The following FAM228B variants were observed in gnomAD, a reference collection of about 807,000 sequenced individuals.
FAM228B encodes family with sequence similarity 228 member B, also known as protein FAM228B.
FAM228B carries 38 observed loss-of-function variants against 42.6 expected under a neutral mutation model. The observed-to-expected ratio is 0.89, with a 90% CI of 0.69 to 1.17. FAM228B has a LOEUF of 1.17. Ranked by LOEUF, FAM228B falls within the 50% of genes most tolerant of loss-of-function variation. FAM228B has a pLI of 0.00. For missense variants in FAM228B, 344 were observed against 367.3 expected, an observed-to-expected ratio of 0.94 and a Z score of 0.52; for synonymous variants, 109 against 122.3, an observed-to-expected ratio of 0.89 and a Z score of 0.72.
chr2:24,119,442 T>C, upstream of FAM228B: 4 of 628,104 alleles, frequency 6.4e-6, no homozygotes, highest in South Asian at 2.0e-5. Context: ...CCAGTGGCTA[T>C]GTAAATAACC....
In FAM228B at chr2:24,077,327, C is replaced by T. The variant is rs1664793154; in HGVS notation, c.-290+358C>T. On this transcript the variant is annotated intron_variant, in intron 1 of 10. Coordinates refer to the FAM228B transcript ENST00000613899. This position sits in a 1 kb window ranked among gnomAD's most constrained non-coding sequence, Gnocchi z 5.5. ...CCAGAATCTCCGTCCCTGGAGGGGCCCTCAGGTTGAGCGTCAGCTGATCGG... is the reference window on the plus strand; with the variant it reads ...CCAGAATCTCCGTCCCTGGAGGGGCTCTCAGGTTGAGCGTCAGCTGATCGG... 5.4e-6 allele frequency: 2 copies of T among 368,446 alleles called. No homozygotes were observed. The highest frequency in any genetic ancestry group is 9.9e-6 in the Non-Finnish European group (2 of 201,346). 22.8% of individuals were successfully genotyped at this position (368,446 alleles called of 1,614,324 possible).
chr2:24,138,006 A>C lies in FAM228B; in HGVS notation c.266A>C (p.Gln89Pro). 2.6e-6 allele frequency: 4 copies of C among 1,547,884 alleles called. No individual in the cohort carries two copies. The highest frequency in any genetic ancestry group is 3.5e-6 in the Non-Finnish European group (4 of 1,145,982). ...GTTGACTGTGTGGCAGATCCTCTTC[A>C]GAAGAAAATTATAGAAAAAGTTTGC... The part of the protein sequence containing the change: ...RWVDCVADPL[Q>P]KKIIEKVCSH... Residue 89 changes from glutamine (Q) to proline (P), a missense_variant, in exon 4 of 11, where the codon CAG becomes CCG. Physicochemically the swap from Gln to Pro is moderately conservative, Grantham distance 76. Coordinates refer to ENST00000615575, the MANE Select transcript of FAM228B (RefSeq NM_001145710.2).
At chr2:24,119,869 C>T (rs191623615), upstream of FAM228B, among the ~76,000 whole-genome samples, 2 of 152,264 alleles carry the variant, frequency 1.3e-5, no homozygotes, top group Non-Finnish European at 2.9e-5. Flanking sequence ...CTCTTTTCCA[C>T]CAATTTAGTT....
In FAM228B at chr2:24,124,408, A is replaced by T; in HGVS notation, c.47A>T (p.Lys16Met). ...SDDLVTGTLP[K>M]LKSSKEWLEP... ...GATCTGGTAACTGGCACACTTCCCA[A>T]GCTCAAGAGCTCAAAAGAATGGTTG... is the stretch of plus-strand genomic sequence containing the variant. The change falls in exon 2 of 11, where the codon AAG becomes ATG. Residue 16 changes from lysine to methionine, a missense_variant. Coordinates refer to ENST00000615575, the MANE Select transcript of FAM228B (RefSeq NM_001145710.2). The T allele has an allele frequency of 6.4e-7, 1 of 1,552,064 alleles. No individual in the cohort carries two copies. The highest frequency in any genetic ancestry group is 8.7e-7 in the Non-Finnish European group (1 of 1,147,064).
chr2:24,121,224 T>C (rs779890529), upstream of FAM228B: 6 of 1,614,224 alleles, frequency 3.7e-6, no homozygotes, highest in Non-Finnish European at 4.2e-6. Flanking sequence ...TCCCTTGAAA[T>C]ACAGTCCTTC....
chr2:24,120,316 G>A (rs977970970), upstream of FAM228B, among the ~76,000 whole-genome samples: 4 of 151,990 alleles, frequency 2.6e-5, no homozygotes, highest in Non-Finnish European at 5.9e-5. Flanking sequence ...CAAAACTGAT[G>A]TAATGGAAAG....
intron 7 of FAM228B, among the ~76,000 whole-genome samples, chr2:24,155,904 T>C (rs1667131959): frequency 6.6e-6 from 1 of 152,192 alleles, no homozygotes; most frequent in Admixed American, 6.5e-5. Context: ...GAACAGCTTC[T>C]CTTCAATATA....
At chr2:24,162,419 T>C (rs998113435) in intron 8 of FAM228B, among the ~76,000 whole-genome samples, 2 of 152,224 alleles carry the variant, frequency 1.3e-5, no homozygotes, top group Non-Finnish European at 2.9e-5. Flanking sequence ...TACATAATTA[T>C]GTATCTTGTG....
At chr2:24,138,361 G>A (rs1486805005) in intron 4 of FAM228B, among the ~76,000 whole-genome samples, 1 of 152,078 alleles carries the variant, frequency 6.6e-6, no homozygotes, top group Non-Finnish European at 1.5e-5. Flanking sequence ...TCGAGATGGA[G>A]TTTCACTCTT....
At chr2:24,110,962 G>C (rs1162730428) in intron 3 of FAM228B, among the ~76,000 whole-genome samples, 1 of 152,146 alleles carries the variant, frequency 6.6e-6, no homozygotes, top group Non-Finnish European at 1.5e-5. Context: ...AATTATTGTT[G>C]GAAACTACCA....
At chr2:24,166,052 A>ATATATATAT (rs1468435433) in intron 9 of FAM228B, 618 of 19,368 alleles carry the variant, frequency 0.032, 4 homozygotes, top group African/African-American at 0.048. Context: ...AAAAAAAAAA[A>ATATATATAT]AAATATATAT....
upstream of FAM228B, among the ~76,000 whole-genome samples, chr2:24,121,886 C>T (rs184503558): frequency 1.0e-3 from 157 of 152,262 alleles, 1 homozygote; most frequent in Non-Finnish European, 8.8e-4. Flanking sequence ...TCACAGATGA[C>T]CAGTCTTCCA....
intron 7 of FAM228B, among the ~76,000 whole-genome samples, chr2:24,148,501 TC>T (rs1666947197): frequency 6.6e-6 from 1 of 152,216 alleles, no homozygotes; most frequent in Admixed American, 6.5e-5. Context: ...GATGGCAGTG[TC>T]CTGTCTGTCT....
Position 24,084,390 on chromosome 2 carries a change from A to ACAGGACAGGACAGGGCAGGG in FAM228B, c.-210+3439_-210+3440insACAGGACAGGGCAGGGCAGG. 2.6e-6 allele frequency: 3 copies of ACAGGACAGGACAGGGCAGGG among 1,159,512 alleles called. No homozygotes were observed. The highest frequency in any genetic ancestry group is 3.6e-6 in the Non-Finnish European group (3 of 825,478). 71.8% of individuals were successfully genotyped at this position (1,159,512 alleles called of 1,614,324 possible). A position where few individuals can be genotyped will look rare whatever the true frequency, so the allele number is the denominator to read the frequency against. Reference sequence around the variant, plus strand: ...ACAGGGCAGGGCAGGGCAGGACAGGACAGGGCAGGGCAGGACAGGACAGGG... The same window carrying ACAGGACAGGACAGGGCAGGG: ...ACAGGGCAGGGCAGGGCAGGACAGGACAGGACAGGACAGGGCAGGGCAGGGCAGGGCAGGACAGGACAGGG... On this transcript the variant is annotated intron_variant, in intron 2 of 10. Coordinates refer to the FAM228B transcript ENST00000613899. The surrounding 1 kb of genome is among the most constrained non-coding windows in gnomAD (Gnocchi z 8.4).
chr2:24,159,348 C>T (rs1390852497), intron 7 of FAM228B, among the ~76,000 whole-genome samples: 1 of 152,098 alleles, frequency 6.6e-6, no homozygotes, highest in Non-Finnish European at 1.5e-5. Context: ...ATAGAGAAGA[C>T]AGATATTTAA....
At chr2:24,156,332 CTTCTAAT>C (rs1667143460) in intron 7 of FAM228B, among the ~76,000 whole-genome samples, 1 of 152,044 alleles carries the variant, frequency 6.6e-6, no homozygotes, top group Non-Finnish European at 1.5e-5. Context: ...CCTAAATCTC[CTTCTAAT>C]TTGCCCCTTC....
chr2:24,096,522 A>G (rs1665501579), intron 3 of FAM228B: 1 of 152,218 alleles, frequency 6.6e-6, no homozygotes, highest in Non-Finnish European at 1.5e-5. Flanking sequence ...CAAGTGGAAG[A>G]AAGGGTATCA....
At chr2:24,121,112 G>T, upstream of FAM228B, 1 of 1,600,854 alleles carries the variant, frequency 6.2e-7, no homozygotes, top group Non-Finnish European at 8.5e-7. Flanking sequence ...AGGAAATTTG[G>T]AGGCAAATTC....
rs1573760942 is a variant in FAM228B at position 24,127,823 on chromosome 2, C to T, written c.99+3363C>T. ...GATTACAGATGTGCACCACCATGCC[C>T]AGCTAATTTTTGTATTTTTAGAAGA... On this transcript the variant is annotated intron_variant, in intron 2 of 10. Coordinates refer to ENST00000615575, the MANE Select transcript of FAM228B (RefSeq NM_001145710.2). Among the ~76,000 whole-genome samples, 4 of 152,082 alleles carry T rather than the reference C, an allele frequency of 2.6e-5. No homozygotes were observed. The South Asian group carries it at 8.3e-4, about 31-fold the overall frequency.
Sources: allele counts gnomAD v4.1 joint callset (sites outside exome capture counted in the v4.1 genomes callset), GRCh38; gene constraint gnomAD v4.1.1; non-coding constraint Gnocchi (gnomAD v3.1); transcripts MANE v1.5; gene names NCBI Gene and HGNC (gene_info 2026-07-23, HGNC 2026-07-21).